Variants in PHACTR1 observed in about 807,000 individuals in gnomAD.
The protein encoded by PHACTR1 is phosphatase and actin regulator 1.
In PHACTR1, 16 loss-of-function variants were observed where a neutral mutation model predicts 69.2. The observed-to-expected ratio is 0.23, with a 90% CI of 0.16 to 0.35. The LOEUF (loss-of-function observed/expected upper bound fraction) is 0.35. Ranked by LOEUF, PHACTR1 falls within the 10% of genes least tolerant of loss-of-function variation. The pLI, the probability that PHACTR1 is intolerant of heterozygous loss-of-function variation, is 1.00. For missense variants in PHACTR1, 510 were observed against 734.7 expected (o/e 0.69, Z 3.54); for synonymous variants, 312 against 284.5 (o/e 1.10, Z -0.97).
intron 4 of PHACTR1, among the ~76,000 whole-genome samples, chr6:12,986,747 G>A (rs1299411094): frequency 6.6e-6 from 1 of 152,224 alleles, no homozygotes; most frequent in Non-Finnish European, 1.5e-5. Context: ...TTACTTGTGA[G>A]GACGGGTGTA....
chr6:12,803,798 A>G (rs968025113), intron 4 of PHACTR1, among the ~76,000 whole-genome samples: 4 of 152,212 alleles, frequency 2.6e-5, no homozygotes, highest in African/African-American at 4.8e-5. Flanking sequence ...ACCAGATGCC[A>G]GTAGCAGGGC....
At chr6:13,097,351 C>A (rs376888969) in intron 5 of PHACTR1, among the ~76,000 whole-genome samples, 1 of 152,192 alleles carries the variant, frequency 6.6e-6, no homozygotes, top group Non-Finnish European at 1.5e-5. Flanking sequence ...TGCCCCCACC[C>A]CTCTTCACCT....
chr6:12,789,758 ATTTTTTAT>A (rs1257177948), intron 4 of PHACTR1, among the ~76,000 whole-genome samples: 3 of 150,906 alleles, frequency 2.0e-5, no homozygotes, highest in East Asian at 3.9e-4. Flanking sequence ...TTTTATTTTT[ATTTTTTAT>A]TTTTTTATTT....
chr6:13,001,246 A>G (rs1334883402), intron 4 of PHACTR1, among the ~76,000 whole-genome samples: 1 of 152,180 alleles, frequency 6.6e-6, no homozygotes, highest in East Asian at 1.9e-4. Flanking sequence ...ACTTTAATTC[A>G]TTTTCTAAAG....
Position 13,228,038 on chromosome 6 carries a change from AGAC to A in PHACTR1, c.1216_1218del (p.Asp406del). 1.2e-6 allele frequency: 2 copies of A among 1,613,300 alleles called. No individual in the cohort carries two copies. Among genetic ancestry groups the A allele is most frequent in the Non-Finnish European group, 1.7e-6 (2 of 1,179,870 alleles). On this transcript the variant is annotated inframe_deletion, in exon 9 of 15. Coordinates refer to ENST00000332995, the MANE Select transcript of PHACTR1 (RefSeq NM_030948.6). ...AAGAGGAGGAAGAGGAGGAGGACGA[AGAC>A]GACGACAGCTCATTATACACCAGTG...
At chr6:13,102,847 T>C (rs1815396954) in intron 5 of PHACTR1, among the ~76,000 whole-genome samples, 1 of 152,214 alleles carries the variant, frequency 6.6e-6, no homozygotes, top group Non-Finnish European at 1.5e-5. Context: ...CATATGCAAA[T>C]CACACCTTTA....
At chr6:12,822,049 A>C (rs1776283105) in intron 4 of PHACTR1, among the ~76,000 whole-genome samples, 1 of 152,180 alleles carries the variant, frequency 6.6e-6, no homozygotes, top group Admixed American at 6.5e-5. Context: ...GAACTTTAAG[A>C]AACCCCCAGG....
At chr6:12,818,775 C>T (rs1775875494) in intron 4 of PHACTR1, among the ~76,000 whole-genome samples, 1 of 152,196 alleles carries the variant, frequency 6.6e-6, no homozygotes, top group Non-Finnish European at 1.5e-5. Context: ...GCCTCTCACC[C>T]ATACCAACAT....
intron 4 of PHACTR1, among the ~76,000 whole-genome samples, chr6:13,019,616 A>G (rs954540094): frequency 2.0e-5 from 3 of 152,186 alleles, no homozygotes; most frequent in African/African-American, 7.2e-5. Context: ...TTGTTCTAAT[A>G]TTGCTCTGAC....
chr6:12,955,998 T>G (rs1441310686), intron 4 of PHACTR1, among the ~76,000 whole-genome samples: 1 of 152,202 alleles, frequency 6.6e-6, no homozygotes, highest in African/African-American at 2.4e-5. Context: ...ATGTCACATA[T>G]TTTAACATGA....
At chr6:13,009,086 A>T (rs777835009) in intron 4 of PHACTR1, among the ~76,000 whole-genome samples, 1 of 152,144 alleles carries the variant, frequency 6.6e-6, no homozygotes, top group Non-Finnish European at 1.5e-5. Context: ...GTCCATCTTC[A>T]CATTGTCTTC....
intron 5 of PHACTR1, among the ~76,000 whole-genome samples, chr6:13,144,992 T>A (rs1409381393): frequency 2.0e-5 from 3 of 152,196 alleles, no homozygotes; most frequent in African/African-American, 7.2e-5. Context: ...AAACATCTAA[T>A]TCAAGGAAAA....
At chr6:13,073,225 CAA>C (rs58555118) in intron 5 of PHACTR1, among the ~76,000 whole-genome samples, 7 of 119,700 alleles carry the variant, frequency 5.8e-5, no homozygotes, top group Non-Finnish European at 1.0e-4. Context: ...ACAGGATTAA[CAA>C]AAAAAAAAGA....
chr6:12,859,523 A>T (rs965963694), intron 4 of PHACTR1, among the ~76,000 whole-genome samples: 14 of 152,206 alleles, frequency 9.2e-5, no homozygotes, highest in African/African-American at 3.4e-4. Context: ...GTGATATCTA[A>T]ATTTGACACT....
intron 4 of PHACTR1, among the ~76,000 whole-genome samples, chr6:12,846,122 G>C (rs1230317669): frequency 6.6e-6 from 1 of 152,146 alleles, no homozygotes; most frequent in African/African-American, 2.4e-5. Flanking sequence ...ATAACATGAA[G>C]ACTTTCGCTC....
At chr6:12,758,940 T>A (rs566903639) in intron 4 of PHACTR1, among the ~76,000 whole-genome samples, 1 of 151,832 alleles carries the variant, frequency 6.6e-6, no homozygotes, top group Admixed American at 6.5e-5. Context: ...CTAGCCAACA[T>A]GGTGAAACCC....
At chr6:13,102,137 A>T (rs1210962901) in intron 5 of PHACTR1, among the ~76,000 whole-genome samples, 1 of 152,244 alleles carries the variant, frequency 6.6e-6, no homozygotes, top group African/African-American at 2.4e-5. Context: ...TAATTAGAAT[A>T]GCACTTTTCT....
At chr6:13,065,023 A>G (rs986343902) in intron 5 of PHACTR1, among the ~76,000 whole-genome samples, 1 of 152,122 alleles carries the variant, frequency 6.6e-6, no homozygotes, top group South Asian at 2.1e-4. Flanking sequence ...ACATTGTACC[A>G]TTGACTAAGT....
At chr6:12,893,758 C>T (rs1475250119) in intron 4 of PHACTR1, among the ~76,000 whole-genome samples, 1 of 152,214 alleles carries the variant, frequency 6.6e-6, no homozygotes, top group Non-Finnish European at 1.5e-5. Flanking sequence ...ACTTCTCCCT[C>T]AGGGACAAGC....
Sources: gnomAD v4.1 joint callset for allele counts (sites outside exome capture counted in the v4.1 genomes callset) on GRCh38, gnomAD v4.1.1 for gene constraint, MANE v1.5 for transcripts, NCBI Gene and HGNC (gene_info 2026-07-23, HGNC 2026-07-21) for gene names.